Variants in ADGRF5 observed in about 807,000 individuals in gnomAD.
The protein encoded by ADGRF5 is adhesion G protein-coupled receptor F5.
In ADGRF5, 75 loss-of-function variants were observed where a neutral mutation model predicts 132.3. The observed-to-expected ratio is 0.57, with a 90% confidence interval of 0.47 to 0.69. ADGRF5 has a LOEUF of 0.69. Among genes scored for constraint, ADGRF5 ranks in the 30% least tolerant of loss-of-function variants. ADGRF5 has a pLI of 0.00. For synonymous variants in ADGRF5, 629 were observed against 597.6 expected (o/e 1.05, Z -0.77); for missense variants, 1,516 against 1,630.6 (o/e 0.93, Z 1.21).
In ADGRF5 at chr6:46,884,095, C is replaced by A. The variant is rs761713917; in HGVS notation, c.505G>T (p.Asp169Tyr). The change falls in exon 5 of 21, where the codon GAT (aspartate) becomes TAT (tyrosine). Residue 169 changes from aspartate to tyrosine, a missense_variant and splice_region_variant. Coordinates refer to ENST00000283296, the MANE Select transcript of ADGRF5 (RefSeq NM_001098518.2). ...GAGCATTTAATGAGCAGTTACTTAC[C>A]TTCCTGAAGCAGGCAAAAAGGTCCA... The part of the protein sequence containing the change: ...PNGPFCLLQE[D>Y]VTLNMRVRLN... 2 of 1,612,692 alleles carry A rather than the reference C, an allele frequency of 1.2e-6. No individual in the cohort carries two copies. Among genetic ancestry groups the A allele is most frequent in the South Asian group, 2.2e-5 (2 of 90,936 alleles).
At chr6:46,881,189 T>C (rs1467017973) in intron 8 of ADGRF5, among the ~76,000 whole-genome samples, 1 of 152,180 alleles carries the variant, frequency 6.6e-6, no homozygotes, top group African/African-American at 2.4e-5. Context: ...TTTTACTTTT[T>C]TTACTTAGTT....
intron 1 of ADGRF5, among the ~76,000 whole-genome samples, chr6:46,940,327 C>T (rs1408496115): frequency 1.3e-5 from 2 of 152,166 alleles, no homozygotes; most frequent in Admixed American, 6.5e-5. Context: ...GTGACCATGA[C>T]ATTAAAGAAG....
At chr6:46,873,902 AG>A (rs1771359006) in intron 10 of ADGRF5, among the ~76,000 whole-genome samples, 1 of 152,154 alleles carries the variant, frequency 6.6e-6, no homozygotes, top group African/African-American at 2.4e-5. Flanking sequence ...ACCCCTACTC[AG>A]TTGTAAGAAA....
rs1312534896 is a variant in ADGRF5 at position 46,862,969 on chromosome 6, G to C, written c.2118C>G (p.Tyr706Ter). The C allele has an allele frequency of 1.2e-6, 2 of 1,613,394 alleles. No homozygotes were observed. Among genetic ancestry groups the C allele is most frequent in the Non-Finnish European group, 1.7e-6 (2 of 1,179,534 alleles). ...PESPIGGTIT[Y>*]KCVGSQWEEK... ...CCTCCCACTGGGAGCCTACACATTTGTAAGTGATGGTCCCGCCAATGGGAC... is the reference window on the plus strand; with the variant it reads ...CCTCCCACTGGGAGCCTACACATTTCTAAGTGATGGTCCCGCCAATGGGAC... The change falls in exon 15 of 21, where the codon TAC (tyrosine) becomes TAG (stop). Residue 706 changes from tyrosine (Y) to a stop codon, truncating the protein, a stop_gained. Transcript: ENST00000283296. LOFTEE classifies it high-confidence loss of function.
chr6:46,932,894 CACAATG>C (rs1338596086), intron 1 of ADGRF5, among the ~76,000 whole-genome samples: 2 of 152,126 alleles, frequency 1.3e-5, no homozygotes, highest in Non-Finnish European at 2.9e-5. Context: ...ATATGTCATG[CACAATG>C]ACAATGTTTG....
chr6:46,935,096 C>T (rs1472412982), intron 1 of ADGRF5, among the ~76,000 whole-genome samples: 3 of 150,706 alleles, frequency 2.0e-5, no homozygotes, highest in African/African-American at 7.3e-5. Context: ...CTCCGCCTCC[C>T]GGGTTCAAGC....
intron 3 of ADGRF5, among the ~76,000 whole-genome samples, chr6:46,895,783 T>G (rs1465845496): frequency 1.3e-5 from 2 of 151,812 alleles, no homozygotes; most frequent in South Asian, 4.2e-4. Context: ...TTGATATTTG[T>G]GTTACTTCTA....
At chr6:46,912,604 G>C (rs1033422321) in intron 1 of ADGRF5, among the ~76,000 whole-genome samples, 2 of 152,094 alleles carry the variant, frequency 1.3e-5, no homozygotes, top group African/African-American at 2.4e-5. Flanking sequence ...AGGAGGCCTA[G>C]GAACAAGTCC....
chr6:46,899,666 TTG>T (rs112093767), intron 3 of ADGRF5, among the ~76,000 whole-genome samples: 51,477 of 150,738 alleles, frequency 0.34, 10,667 homozygotes, highest in East Asian at 0.47. Flanking sequence ...GTTTTTTTTT[TTG>T]TTTGTTTTGT....
At chr6:46,938,031 G>A (rs1225259898) in intron 1 of ADGRF5, among the ~76,000 whole-genome samples, 1 of 152,108 alleles carries the variant, frequency 6.6e-6, no homozygotes, top group Non-Finnish European at 1.5e-5. Flanking sequence ...TAAGTTGGGG[G>A]GTAGGGTCTA....
chr6:46,867,067 C>T lies in ADGRF5; in HGVS notation c.1692G>A (p.Pro564=), dbSNP rs145214557. Reference sequence around the variant, plus strand: ...CCATGATGTTCAGCTTTAGAGGCAGCGGGTGAACAATGACGTCTTTGGTTG... The same window carrying T: ...CCATGATGTTCAGCTTTAGAGGCAGTGGGTGAACAATGACGTCTTTGGTTG... ...SIATKDVIVH[P]LPLKLNIMVD... is the part of the protein sequence containing the mutation. Residue 564 remains proline (P), a synonymous_variant, in exon 13 of 21, where the codon CCG becomes CCA. Coordinates refer to ENST00000283296, the MANE Select transcript of ADGRF5 (RefSeq NM_001098518.2). 82 of 1,613,064 alleles carry T rather than the reference C, an allele frequency of 5.1e-5. No individual in the cohort carries two copies. Among genetic ancestry groups the T allele is most frequent in the African/African-American group, 1.1e-4 (8 of 75,014 alleles).
intron 2 of ADGRF5, among the ~76,000 whole-genome samples, chr6:46,904,900 T>G (rs1021435928): frequency 1.3e-5 from 2 of 152,044 alleles, no homozygotes; most frequent in Non-Finnish European, 2.9e-5. Context: ...CCTTGAAGGG[T>G]AGATCTACCA....
In ADGRF5 at chr6:46,863,042, A is replaced by G. The variant is rs1280674272; in HGVS notation, c.2045T>C (p.Val682Ala). The change falls in exon 15 of 21, where the codon GTC becomes GCC. Residue 682 changes from valine (V) to alanine (A), a missense_variant. Physicochemically the swap from Val to Ala is moderately conservative, Grantham distance 64. Transcript: ENST00000283296. ...TGAGAACCGGCATAGCTTCTGGATG[A>G]CTTTCCCCGGCTCTCCGACACCTAT... ...PVIGVGEPGKVIQKLCRFSNV... is the reference protein window; with the variant it reads ...PVIGVGEPGKAIQKLCRFSNV... 1 of 1,613,886 alleles carries G rather than the reference A, an allele frequency of 6.2e-7. No homozygotes were observed. Among genetic ancestry groups the G allele is most frequent in the African/African-American group, 1.3e-5 (1 of 74,876 alleles).
chr6:46,878,260 C>A lies in ADGRF5; in HGVS notation c.1182G>T (p.Gln394His). 1.9e-6 allele frequency: 3 copies of A among 1,613,886 alleles called. No homozygotes were observed. The highest frequency in any genetic ancestry group is 2.5e-6 in the Non-Finnish European group (3 of 1,179,834). ...CTACTTTGCTCCAATTAACATTACCCTGACTGCAGCAGTTCAAAGATACAG... is the reference window on the plus strand; with the variant it reads ...CTACTTTGCTCCAATTAACATTACCATGACTGCAGCAGTTCAAAGATACAG... ...NNPVSLNCCS[Q>H]GNVNWSKVEW... The change falls in exon 10 of 21, where the codon CAG becomes CAT. Residue 394 changes from glutamine (Q) to histidine (H), a missense_variant. Physicochemically the swap from Gln to His is conservative, Grantham distance 24 (BLOSUM62 0). This residue lies in a region of ADGRF5 where 945 missense variants were observed against 929.4 expected (regional missense o/e 1.02). Transcript: ENST00000283296.
intron 10 of ADGRF5, 32 bp downstream of exon 10, chr6:46,878,170 T>G (rs1182400138): frequency 1.4e-6 from 2 of 1,458,042 alleles, no homozygotes; most frequent in Admixed American, 3.4e-5. Context: ...GGCAAAAACC[T>G]ATTTGCAAAA....
In ADGRF5 at chr6:46,860,781, T is replaced by A; in HGVS notation, c.2313A>T (p.Gly771=). The A allele has an allele frequency of 6.2e-7, 1 of 1,613,518 alleles. No homozygotes were observed. Among genetic ancestry groups the A allele is most frequent in the Non-Finnish European group, 8.5e-7 (1 of 1,179,422 alleles). The change falls in exon 16 of 21, where the codon GGA becomes GGT. Residue 771 remains glycine (G), a synonymous_variant. Coordinates refer to ENST00000283296, the MANE Select transcript of ADGRF5 (RefSeq NM_001098518.2). ...HEISSSPGSL[G]AIINILDLLS... ...GCAGATCAAGGATGTTAATAATGGC[T>A]CCCAGACTCCCAGGAGAAGAGCTGA...
At chr6:46,908,492 A>G (rs1433386817) in intron 1 of ADGRF5, among the ~76,000 whole-genome samples, 3 of 152,142 alleles carry the variant, frequency 2.0e-5, no homozygotes, top group Non-Finnish European at 4.4e-5. Context: ...GAATCTGATA[A>G]CCAAGGAAGA....
At chr6:46,870,768 T>G (rs560327830) in intron 11 of ADGRF5, 3 of 409,304 alleles carry the variant, frequency 7.3e-6, no homozygotes, top group Middle Eastern at 3.4e-4. Flanking sequence ...GGTCCCAGTT[T>G]TGTGGATAGA....
intron 17 of ADGRF5, among the ~76,000 whole-genome samples, chr6:46,857,240 T>A (rs570863797): frequency 2.0e-5 from 3 of 152,326 alleles, no homozygotes; most frequent in South Asian, 4.1e-4. Context: ...TGGGGTGGGA[T>A]AACTAGTTCC....
Sources: gnomAD v4.1 joint callset for allele counts (sites outside exome capture counted in the v4.1 genomes callset) on GRCh38, gnomAD v4.1.1 for gene constraint, gnomAD v4.1.1 regional missense constraint, MANE v1.5 for transcripts, NCBI Gene and HGNC (gene_info 2026-07-23, HGNC 2026-07-21) for gene names.